DCDC1: variants seen among roughly 807,000 people sequenced by gnomAD.
DCDC1 encodes doublecortin domain-containing protein 1.
In DCDC1, 200 loss-of-function variants were observed where a neutral mutation model predicts 178.3. That is an observed-to-expected ratio of 1.12 (90% CI 1.00 to 1.26). The LOEUF (loss-of-function observed/expected upper bound fraction) is 1.26. Among genes scored for constraint, DCDC1 ranks in the 50% most tolerant of loss-of-function variants. DCDC1 has a pLI of 0.00. For synonymous variants in DCDC1, 690 were observed against 604.8 expected (o/e 1.14, Z -2.07); for missense variants, 1,983 against 1,749.2 (o/e 1.13, Z -2.38).
chr11:31,112,035 G>A (rs1406759786), intron 11 of DCDC1, among the ~76,000 whole-genome samples: 1 of 151,988 alleles, frequency 6.6e-6, no homozygotes, highest in Non-Finnish European at 1.5e-5. Context: ...AATTGGCTGT[G>A]ACCTCTGCAA....
At chr11:30,924,660 A>G (rs922721910) in intron 23 of DCDC1, among the ~76,000 whole-genome samples, 15 of 152,202 alleles carry the variant, frequency 9.9e-5, no homozygotes, top group African/African-American at 3.6e-4. Context: ...GAAGGTCTCA[A>G]AAAGAGTAGA....
At chr11:30,980,919 C>T (rs907413530) in intron 20 of DCDC1, among the ~76,000 whole-genome samples, 3 of 152,156 alleles carry the variant, frequency 2.0e-5, no homozygotes, top group African/African-American at 7.2e-5. Context: ...ATGTTTATCA[C>T]AGCACTGTTC....
chr11:30,982,040 T>C (rs1323219556), intron 20 of DCDC1, among the ~76,000 whole-genome samples: 3 of 152,196 alleles, frequency 2.0e-5, no homozygotes, highest in African/African-American at 7.2e-5. Flanking sequence ...TTCCTTGAGA[T>C]AGCTAACCAA....
chr11:31,102,933 G>A (rs1441160758), intron 14 of DCDC1, among the ~76,000 whole-genome samples: 1 of 152,150 alleles, frequency 6.6e-6, no homozygotes, highest in East Asian at 1.9e-4. Context: ...TGTACCAGCT[G>A]TGTGACTTTG....
chr11:30,892,008 C>A (rs2134050717), intron 36 of DCDC1, among the ~76,000 whole-genome samples: 1 of 152,256 alleles, frequency 6.6e-6, no homozygotes, highest in East Asian at 1.9e-4. Flanking sequence ...CCCCCCACCA[C>A]CAACAACATC....
At chr11:31,044,329 T>C (rs1048107076) in intron 20 of DCDC1, among the ~76,000 whole-genome samples, 2 of 151,754 alleles carry the variant, frequency 1.3e-5, no homozygotes, top group South Asian at 4.2e-4. Context: ...TACAAAAAAT[T>C]AGCCGGGCGT....
At chr11:31,224,994 C>A (rs1482949495) in intron 9 of DCDC1, among the ~76,000 whole-genome samples, 2 of 152,106 alleles carry the variant, frequency 1.3e-5, no homozygotes, top group South Asian at 2.1e-4. Flanking sequence ...TTTTATCCAG[C>A]AATCCCACTA....
chr11:31,305,506 T>G (rs1309316495), intron 6 of DCDC1, 109 bp downstream of exon 6: 9 of 1,385,574 alleles, frequency 6.5e-6, no homozygotes, highest in Non-Finnish European at 8.8e-6. Context: ...GCGTAAACAT[T>G]AGTTTTGTTA....
chr11:31,099,219 A>C (rs551165595), intron 15 of DCDC1, among the ~76,000 whole-genome samples: 103 of 152,312 alleles, frequency 6.8e-4, no homozygotes, highest in Admixed American at 1.3e-3. Flanking sequence ...AATTCAGGTC[A>C]GCTAACTGAA....
chr11:31,090,263 T>C (rs919045), intron 17 of DCDC1, among the ~76,000 whole-genome samples: 44,738 of 152,044 alleles, frequency 0.29, 7,558 homozygotes, highest in Non-Finnish European at 0.37. Context: ...TCCACTAAGG[T>C]ATCTGCTACC....
At chr11:30,994,889 C>T (rs1274282009) in intron 20 of DCDC1, among the ~76,000 whole-genome samples, 1 of 150,426 alleles carries the variant, frequency 6.6e-6, no homozygotes, top group Non-Finnish European at 1.5e-5. Context: ...TTTCTTACTA[C>T]TGCTATTAAT....
Position 30,865,307 on chromosome 11 carries a change from T to C in DCDC1, c.*66A>G, listed in dbSNP as rs1429499762. The stretch of plus-strand genomic sequence containing the variant: ...CCTTCTTGTCACAGTCTTCTGTTTA[T>C]AAGTGGGTAAAGAAAGTTTTCTTTC... On this transcript the variant is annotated 3_prime_UTR_variant, in exon 39 of 39. Transcript: ENST00000684477. 6.6e-6 allele frequency: 1 copy of C among 152,204 alleles called. No individual in the cohort carries two copies. The highest frequency in any genetic ancestry group is 2.4e-5 in the African/African-American group (1 of 41,444). 9.4% of individuals were successfully genotyped at this position (152,204 alleles called of 1,614,324 possible). A position where few individuals can be genotyped will look rare whatever the true frequency, so the allele number is the denominator to read the frequency against.
intron 9 of DCDC1, among the ~76,000 whole-genome samples, chr11:31,216,820 A>C (rs1446123905): frequency 6.6e-6 from 1 of 152,160 alleles, no homozygotes; most frequent in African/African-American, 2.4e-5. Flanking sequence ...CCTCATGCTG[A>C]AGCCTAGATT....
At chr11:31,085,496 CT>C (rs1284519385) in intron 17 of DCDC1, among the ~76,000 whole-genome samples, 2 of 152,118 alleles carry the variant, frequency 1.3e-5, no homozygotes, top group African/African-American at 4.8e-5. Flanking sequence ...ACAATATGTA[CT>C]TTTTTTGTTT....
chr11:30,943,747 A>G (rs185920110), intron 21 of DCDC1: 6 of 407,186 alleles, frequency 1.5e-5, no homozygotes, highest in South Asian at 3.6e-5. Flanking sequence ...TTTAAAAAAT[A>G]CTGATATCCC....
At chr11:31,311,961 AC>A (rs1948795075) in intron 3 of DCDC1, among the ~76,000 whole-genome samples, 1 of 152,126 alleles carries the variant, frequency 6.6e-6, no homozygotes, top group Admixed American at 6.5e-5. Context: ...ATGCCAAGGT[AC>A]TACCTCAGAG....
chr11:31,331,330 G>A (rs1015918433), intron 2 of DCDC1, among the ~76,000 whole-genome samples: 3 of 152,148 alleles, frequency 2.0e-5, no homozygotes, highest in Non-Finnish European at 2.9e-5. Context: ...TCTGCAAACA[G>A]GGACAATTTG....
chr11:30,963,605 T>A (rs1317227926), intron 20 of DCDC1, among the ~76,000 whole-genome samples: 2 of 152,090 alleles, frequency 1.3e-5, no homozygotes, highest in East Asian at 3.9e-4. Flanking sequence ...TCCATCCCAC[T>A]GACTGAGAGA....
intron 10 of DCDC1, among the ~76,000 whole-genome samples, chr11:31,135,070 C>T (rs1328362829): frequency 6.6e-6 from 1 of 152,096 alleles, no homozygotes; most frequent in Non-Finnish European, 1.5e-5. Context: ...TTTTACGATG[C>T]ATACGTTACT....
Sources: allele counts gnomAD v4.1 joint callset (sites outside exome capture counted in the v4.1 genomes callset), GRCh38; gene constraint gnomAD v4.1.1; transcripts MANE v1.5; gene names NCBI Gene and HGNC (gene_info 2026-07-23, HGNC 2026-07-21).